The following PRKCB variants were observed in gnomAD, a reference collection of about 807,000 sequenced individuals.
PRKCB encodes protein kinase C beta.
PRKCB carries 13 observed loss-of-function variants against 81.5 expected under a neutral mutation model. The ratio of observed to expected loss-of-function variants is 0.16; its 90% CI spans 0.10 to 0.25. The LOEUF is 0.25. Among genes scored for constraint, PRKCB ranks in the 10% least tolerant of loss-of-function variants. The pLI is 1.00. For synonymous variants in PRKCB, 335 were observed against 321.4 expected (o/e 1.04, Z -0.45); for missense variants, 509 against 875.7 (o/e 0.58, Z 5.29).
chr16:23,839,288 T>C (rs1417526636), intron 2 of PRKCB, among the ~76,000 whole-genome samples: 1 of 151,088 alleles, frequency 6.6e-6, no homozygotes, highest in African/African-American at 2.4e-5. Context: ...TCTTTTTTTT[T>C]TTTTTGACAG....
intron 2 of PRKCB, among the ~76,000 whole-genome samples, chr16:23,949,646 A>G (rs1231210271): frequency 6.6e-6 from 1 of 152,172 alleles, no homozygotes; most frequent in Non-Finnish European, 1.5e-5. Flanking sequence ...TTACAGTTCT[A>G]AGTGCTGGAG....
chr16:24,215,019 A>C lies in PRKCB; in HGVS notation c.*203A>C. 7.3e-7 allele frequency: 1 copy of C among 1,362,990 alleles called. No individual in the cohort carries two copies. Among genetic ancestry groups the C allele is most frequent in the Non-Finnish European group, 9.4e-7 (1 of 1,058,384 alleles). The allele number at this position is 1,362,990 out of a possible 1,614,324, so 84.4% of individuals were successfully genotyped here. On this transcript the variant is annotated 3_prime_UTR_variant, in exon 17 of 17. Coordinates refer to ENST00000643927, the MANE Select transcript of PRKCB (RefSeq NM_002738.7). Reference sequence around the variant, plus strand: ...GGGATTATGCAGATGGCCTATGGAAAATGCAGCTGCATAATTAACACATTA... The same window carrying C: ...GGGATTATGCAGATGGCCTATGGAACATGCAGCTGCATAATTAACACATTA...
intron 2 of PRKCB, among the ~76,000 whole-genome samples, chr16:23,852,180 G>A (rs376944258): frequency 2.4e-4 from 37 of 152,260 alleles, no homozygotes; most frequent in South Asian, 1.2e-3. Context: ...GAGAGTGGGC[G>A]TCCTGATCTT....
chr16:24,096,690 T>G (rs1274642842), intron 7 of PRKCB, among the ~76,000 whole-genome samples: 1 of 132,416 alleles, frequency 7.6e-6, no homozygotes, highest in Non-Finnish European at 1.6e-5. Flanking sequence ...TATATATATA[T>G]ATATATATAT....
rs1036297346 is a variant in PRKCB, at chr16:23,875,629, T to C, written c.205+38223T>C. ...TGTATATCACACACATATATGTATGTATATCACACATATATGTATGTATAT... is the reference window on the plus strand; with the variant it reads ...TGTATATCACACACATATATGTATGCATATCACACATATATGTATGTATAT... On this transcript the variant is annotated intron_variant, in intron 2 of 16. Transcript: ENST00000643927. Among the ~76,000 whole-genome samples the C allele has an allele frequency of 6.4e-4, 91 of 141,626 alleles. 5 individuals are homozygous for C. Among genetic ancestry groups the C allele is most frequent in the African/African-American group, 2.5e-3 (85 of 34,396 alleles). The allele number at this position is 141,626 out of a possible 152,430, so 92.9% of individuals were successfully genotyped here.
chr16:24,178,363 A>G (rs1452125023), intron 12 of PRKCB, among the ~76,000 whole-genome samples: 2 of 152,370 alleles, frequency 1.3e-5, no homozygotes, highest in African/African-American at 4.8e-5. Context: ...AGGGTGTGAT[A>G]TCAAAACACT....
intron 2 of PRKCB, among the ~76,000 whole-genome samples, chr16:23,981,668 TTCTCTTC>T (rs1964707532): frequency 7.7e-6 from 1 of 129,114 alleles, no homozygotes. Context: ...TTTTTTCCCT[TTCTCTTC>T]CCCTTCCCCT....
intron 8 of PRKCB, among the ~76,000 whole-genome samples, chr16:24,116,747 A>C (rs1002302920): frequency 6.6e-6 from 1 of 151,730 alleles, no homozygotes; most frequent in Non-Finnish European, 1.5e-5. Context: ...CTTTCCCCCA[A>C]CTTGCTGATG....
chr16:24,139,155 G>C (rs1464524896), intron 9 of PRKCB, among the ~76,000 whole-genome samples: 2 of 151,030 alleles, frequency 1.3e-5, no homozygotes, highest in Non-Finnish European at 1.5e-5. Flanking sequence ...CCTGGCCCCA[G>C]TATTTGTCTT....
At chr16:24,080,715 A>G (rs1342665295) in intron 5 of PRKCB, among the ~76,000 whole-genome samples, 1 of 149,060 alleles carries the variant, frequency 6.7e-6, no homozygotes, top group African/African-American at 2.6e-5. Flanking sequence ...GAAACTAACA[A>G]ACAAACTTCC....
intron 9 of PRKCB, among the ~76,000 whole-genome samples, chr16:24,132,009 C>A (rs1026346013): frequency 6.6e-6 from 1 of 152,164 alleles, no homozygotes; most frequent in Non-Finnish European, 1.5e-5. Context: ...AAGGAATATG[C>A]GCAACACTGC....
intron 2 of PRKCB, among the ~76,000 whole-genome samples, chr16:23,843,438 T>C (rs1294986632): frequency 6.6e-6 from 1 of 152,176 alleles, no homozygotes; most frequent in African/African-American, 2.4e-5. Flanking sequence ...GATTTGGCTT[T>C]TTTCTTTTTT....
intron 7 of PRKCB, among the ~76,000 whole-genome samples, chr16:24,095,626 C>T (rs1300721225): frequency 3.9e-5 from 6 of 152,136 alleles, no homozygotes; most frequent in Non-Finnish European, 8.8e-5. Flanking sequence ...AATTCAGGCT[C>T]CTTTCATTCT....
chr16:24,180,983 G>C, intron 13 of PRKCB, 55 bp downstream of exon 13: 2 of 1,593,530 alleles, frequency 1.3e-6, no homozygotes, highest in South Asian at 1.1e-5. Flanking sequence ...CTGCTCCCCA[G>C]ATGGCTGTGT....
At chr16:24,007,325 C>T (rs983668323) in intron 3 of PRKCB, among the ~76,000 whole-genome samples, 8 of 152,150 alleles carry the variant, frequency 5.3e-5, no homozygotes, top group Admixed American at 3.3e-4. Context: ...TTTCAAAAGT[C>T]CATCCTTATT....
intron 12 of PRKCB, among the ~76,000 whole-genome samples, chr16:24,177,808 T>C (rs1479950118): frequency 6.6e-6 from 1 of 152,206 alleles, no homozygotes; most frequent in Non-Finnish European, 1.5e-5. Flanking sequence ...TGTTTCAGGC[T>C]GTATAGACTC....
chr16:23,865,265 T>TGTGTGTGTG (rs1962751011), intron 2 of PRKCB, among the ~76,000 whole-genome samples: 24 of 129,252 alleles, frequency 1.9e-4, no homozygotes, highest in African/African-American at 6.4e-4. Flanking sequence ...TCTGTTTTGT[T>TGTGTGTGTG]TGTGTGTGTG....
At chr16:23,937,391 A>G (rs369645298) in intron 2 of PRKCB, among the ~76,000 whole-genome samples, 1 of 152,244 alleles carries the variant, frequency 6.6e-6, no homozygotes, top group Non-Finnish European at 1.5e-5. Context: ...TGCGACTGCC[A>G]TGAACATTGC....
chr16:24,203,296 G>T (rs198133), intron 16 of PRKCB: 8,842 of 151,954 alleles, frequency 0.058, 310 homozygotes, highest in Non-Finnish European at 0.077. Context: ...AAATTTATTT[G>T]GCTCATGGTT....
Sources: allele counts gnomAD v4.1 joint callset (sites outside exome capture counted in the v4.1 genomes callset), GRCh38; gene constraint gnomAD v4.1.1; transcripts MANE v1.5; gene names NCBI Gene and HGNC (gene_info 2026-07-23, HGNC 2026-07-21).